ROBO2: variants seen among roughly 807,000 people sequenced by gnomAD.
ROBO2 encodes roundabout guidance receptor 2.
In ROBO2, 53 loss-of-function variants were observed where a neutral mutation model predicts 160.8. The ratio of observed to expected loss-of-function variants is 0.33; its 90% confidence interval spans 0.26 to 0.41. ROBO2 has a LOEUF of 0.41. Among genes scored for constraint, ROBO2 ranks in the 10% least tolerant of loss-of-function variants. The pLI, the probability that ROBO2 is intolerant of heterozygous loss-of-function variation, is 1.00. For synonymous variants in ROBO2, 664 were observed against 611.7 expected (o/e 1.09, Z -1.26); for missense variants, 1,577 against 1,722.4 (o/e 0.92, Z 1.49).
At chr3:77,339,085 C>A (rs1013658736) in intron 2 of ROBO2, among the ~76,000 whole-genome samples, 11 of 151,998 alleles carry the variant, frequency 7.2e-5, no homozygotes, top group African/African-American at 2.7e-4. Context: ...TAGTTAATTT[C>A]TAATATATTT....
At chr3:76,559,630 G>A (rs2108474485) in intron 2 of ROBO2, among the ~76,000 whole-genome samples, 1 of 152,184 alleles carries the variant, frequency 6.6e-6, no homozygotes, top group East Asian at 1.9e-4. Context: ...GGAAGGATGA[G>A]CAATATAAGT....
chr3:77,460,889 A>G (rs1019046303), intron 2 of ROBO2, among the ~76,000 whole-genome samples: 10 of 152,142 alleles, frequency 6.6e-5, no homozygotes, highest in Non-Finnish European at 1.2e-4. Flanking sequence ...CTTATAAGGT[A>G]CTGATGTATT....
At chr3:76,449,327 A>G (rs983923862) in intron 2 of ROBO2, among the ~76,000 whole-genome samples, 9 of 152,072 alleles carry the variant, frequency 5.9e-5, no homozygotes, top group Admixed American at 1.3e-4. Context: ...TTACAGGGAG[A>G]CTAGACCATT....
intron 2 of ROBO2, among the ~76,000 whole-genome samples, chr3:77,029,825 T>A (rs111732129): frequency 0.016 from 2,455 of 152,276 alleles, 83 homozygotes; most frequent in African/African-American, 0.055. Context: ...ACCAAAGATG[T>A]CTTGGTTAAA....
At chr3:76,248,759 A>G (rs1181495156) in intron 2 of ROBO2, among the ~76,000 whole-genome samples, 1 of 151,820 alleles carries the variant, frequency 6.6e-6, no homozygotes, top group Non-Finnish European at 1.5e-5. Flanking sequence ...CATGGCACTG[A>G]TACATTTTGT....
chr3:76,559,052 C>T (rs565027684), intron 2 of ROBO2, among the ~76,000 whole-genome samples: 12 of 152,124 alleles, frequency 7.9e-5, no homozygotes, highest in South Asian at 4.2e-4. Context: ...ACACAGCACA[C>T]GAAACAGATG....
chr3:76,443,581 G>A (rs1367356443), intron 2 of ROBO2, among the ~76,000 whole-genome samples: 2 of 152,136 alleles, frequency 1.3e-5, no homozygotes, highest in South Asian at 4.1e-4. Context: ...TGCTAAAAAT[G>A]CCCTTTTCTC....
At chr3:76,621,970 C>T (rs2089122926) in intron 2 of ROBO2, among the ~76,000 whole-genome samples, 1 of 151,166 alleles carries the variant, frequency 6.6e-6, no homozygotes. Flanking sequence ...GGTTTGACCT[C>T]TCCCATTCCT....
chr3:76,102,973 G>A lies in ROBO2; in HGVS notation c.109+165371G>A, dbSNP rs147976418. 6.0e-3 allele frequency among the ~76,000 whole-genome samples: 907 copies of A among 151,986 alleles called. 5 individuals carry two copies. Among genetic ancestry groups the A allele is most frequent in the Non-Finnish European group, 9.3e-3 (633 of 67,946 alleles). On this transcript the variant is annotated intron_variant, in intron 2 of 26. Coordinates refer to the ROBO2 transcript ENST00000487694. ...CCAACTAGCTGGGACTGCAGGCGCC[G>A]CCACCACGCCTGGATAATTTTTTGC...
At chr3:77,146,063 C>T (rs1418558962) in intron 2 of ROBO2, among the ~76,000 whole-genome samples, 2 of 152,172 alleles carry the variant, frequency 1.3e-5, no homozygotes, top group Non-Finnish European at 2.9e-5. Context: ...AAGCTACAAA[C>T]TCCCAGCCTG....
At chr3:77,622,753 T>C (rs2272162) in intron 23 of ROBO2, among the ~76,000 whole-genome samples, 73,229 of 151,986 alleles carry the variant, frequency 0.48, 17,897 homozygotes, top group Middle Eastern at 0.62. Flanking sequence ...TTAGAAATGA[T>C]CTTTTTTATA....
intron 2 of ROBO2, among the ~76,000 whole-genome samples, chr3:76,505,369 TA>T (rs58777126): frequency 0.52 from 78,267 of 149,304 alleles, 20,360 homozygotes; most frequent in East Asian, 0.58. Flanking sequence ...GTTCAGCATT[TA>T]AAAAAAAAAA....
At chr3:76,301,088 T>C (rs1396454355) in intron 2 of ROBO2, among the ~76,000 whole-genome samples, 1 of 152,016 alleles carries the variant, frequency 6.6e-6, no homozygotes, top group Non-Finnish European at 1.5e-5. Context: ...GATGAATAAA[T>C]ATTGTTGTAT....
intron 1 of ROBO2, among the ~76,000 whole-genome samples, chr3:77,073,779 C>G (rs1353956314): frequency 5.3e-5 from 8 of 152,130 alleles, no homozygotes; most frequent in Non-Finnish European, 1.0e-4. Flanking sequence ...CTGGGGACTG[C>G]ACAGCTTGAC....
rs143530040 is a variant in ROBO2, at chr3:76,816,623, G to A, written c.110-281391G>A. 8.8e-3 allele frequency among the ~76,000 whole-genome samples: 1,337 copies of A among 151,962 alleles called. 25 individuals are homozygous for A. Among genetic ancestry groups the A allele is most frequent in the African/African-American group, 0.03 (1,248 of 41,484 alleles). ...CCATTAGCCTATTAAAAACAACTCA[G>A]AGCACTGTCTTCCACAACTATTGTG... On this transcript the variant is annotated intron_variant, in intron 2 of 26. Transcript: ENST00000487694.
rs564223664 is a variant in ROBO2, at chr3:76,365,425, T to G, written c.109+427823T>G. ...TGTAAGAGATATGATGTAAGCTAATTGAGATTCAATTACCACATCACATGC... is the reference window on the plus strand; with the variant it reads ...TGTAAGAGATATGATGTAAGCTAATGGAGATTCAATTACCACATCACATGC... On this transcript the variant is annotated intron_variant, in intron 2 of 26. Transcript: ENST00000487694. Among the ~76,000 whole-genome samples the G allele has an allele frequency of 3.3e-5, 5 of 152,202 alleles. No homozygotes were observed. In the East Asian group the frequency reaches 9.7e-4, roughly 30 times the overall value.
In ROBO2 at chr3:76,902,594, A is replaced by C. The variant is rs183553414; in HGVS notation, c.110-195420A>C. Among the ~76,000 whole-genome samples the C allele has an allele frequency of 1.9e-3, 294 of 152,200 alleles. 2 individuals carry two copies. Among genetic ancestry groups the C allele is most frequent in the African/African-American group, 6.7e-3 (279 of 41,580 alleles). ...TTAATAATTTCAAATAAGATTCTATAGTGTTCTTCAGCTAGATTCTGCAAC... is the reference window on the plus strand; with the variant it reads ...TTAATAATTTCAAATAAGATTCTATCGTGTTCTTCAGCTAGATTCTGCAAC... On this transcript the variant is annotated intron_variant, in intron 2 of 26. Transcript: ENST00000487694.
At chr3:76,564,180 G>A (rs573671673) in intron 2 of ROBO2, among the ~76,000 whole-genome samples, 5 of 152,312 alleles carry the variant, frequency 3.3e-5, no homozygotes, top group Non-Finnish European at 5.9e-5. Flanking sequence ...CACTCCAGTC[G>A]GGGCGACACA....
intron 2 of ROBO2, among the ~76,000 whole-genome samples, chr3:76,389,150 A>G (rs2077031698): frequency 6.6e-6 from 1 of 152,238 alleles, no homozygotes; most frequent in Non-Finnish European, 1.5e-5. Context: ...GATTTTGGGT[A>G]TGCAGGTCAG....
Sources: allele counts gnomAD v4.1 joint callset (sites outside exome capture counted in the v4.1 genomes callset), GRCh38; gene constraint gnomAD v4.1.1; transcripts MANE v1.5; gene names NCBI Gene and HGNC (gene_info 2026-07-23, HGNC 2026-07-21).